The following PDE3B variants were observed in gnomAD, a reference collection of about 807,000 sequenced individuals.
The protein encoded by PDE3B is cGMP-inhibited 3',5'-cyclic phosphodiesterase 3B.
In PDE3B, 66 loss-of-function variants were observed where a neutral mutation model predicts 116.8. The observed-to-expected ratio is 0.56, with a 90% CI of 0.46 to 0.69. The LOEUF (loss-of-function observed/expected upper bound fraction) is 0.69, where lower values mean the gene tolerates loss of function less well. PDE3B is among the 30% of genes least tolerant of loss of function. The probability of loss-of-function intolerance (pLI) is 0.00; values close to 1 mark genes in which losing one functional copy is unlikely to be tolerated. For missense variants in PDE3B, 1,384 were observed against 1,368.1 expected (o/e 1.01, Z -0.18); for synonymous variants, 595 against 533.6 (o/e 1.12, Z -1.59).
chr11:14,770,763 G>T (rs1457712452), intron 1 of PDE3B, among the ~76,000 whole-genome samples: 1 of 151,578 alleles, frequency 6.6e-6, no homozygotes, highest in East Asian at 1.9e-4. Context: ...TTTTTCCTCA[G>T]TGGTAAGAAA....
intron 1 of PDE3B, among the ~76,000 whole-genome samples, chr11:14,677,173 G>A (rs1854556184): frequency 6.6e-6 from 1 of 152,054 alleles, no homozygotes; most frequent in African/African-American, 2.4e-5. Flanking sequence ...GAAAACCAGG[G>A]ATAGAACCTA....
chr11:14,786,514 T>C lies in PDE3B; in HGVS notation c.1107T>C (p.Asp369=). 1 of 1,612,994 alleles carries C rather than the reference T, an allele frequency of 6.2e-7. No individual in the cohort carries two copies. The highest frequency in any genetic ancestry group is 8.5e-7 in the Non-Finnish European group (1 of 1,179,134). ...ATATGGTGTCAGATCTTCTGACTGA[T>C]CCAAGCCTTCCACCACAAGTCATTT... The part of the protein sequence containing the change: ...ARNMVSDLLT[D]PSLPPQVISS... Residue 369 remains aspartate, a synonymous_variant, in exon 3 of 16, where the codon GAT becomes GAC. Coordinates refer to ENST00000282096, the MANE Select transcript of PDE3B (RefSeq NM_000922.4).
At chr11:14,850,741 TG>T (rs1182100557) in intron 12 of PDE3B, among the ~76,000 whole-genome samples, 1 of 152,180 alleles carries the variant, frequency 6.6e-6, no homozygotes, top group Non-Finnish European at 1.5e-5. Context: ...ACAATTTGCA[TG>T]AAAGAGGCAA....
At chr11:14,658,091 T>C (rs915481896) in intron 1 of PDE3B, among the ~76,000 whole-genome samples, 3 of 152,088 alleles carry the variant, frequency 2.0e-5, no homozygotes, top group African/African-American at 4.8e-5. Flanking sequence ...ATCTAGTGGG[T>C]AGGCTTCCAA....
At chr11:14,650,599 G>A (rs537263139) in intron 1 of PDE3B, among the ~76,000 whole-genome samples, 40 of 152,290 alleles carry the variant, frequency 2.6e-4, no homozygotes, top group Non-Finnish European at 5.3e-4. Flanking sequence ...TCCTTAAAAA[G>A]TAGAAGAGAG....
intron 1 of PDE3B, among the ~76,000 whole-genome samples, chr11:14,721,134 CAA>C (rs1856060940): frequency 6.6e-6 from 1 of 150,704 alleles, no homozygotes; most frequent in Non-Finnish European, 1.5e-5. Context: ...AGACACTTCT[CAA>C]AAGAAGACAT....
intron 1 of PDE3B, among the ~76,000 whole-genome samples, chr11:14,647,125 A>G (rs552301830): frequency 9.7e-4 from 148 of 152,084 alleles, no homozygotes; most frequent in African/African-American, 3.5e-3. Flanking sequence ...TATGTTAAAT[A>G]TATTGAGAGG....
intron 1 of PDE3B, among the ~76,000 whole-genome samples, chr11:14,733,304 C>T (rs1856510809): frequency 6.6e-6 from 1 of 152,176 alleles, no homozygotes; most frequent in Non-Finnish European, 1.5e-5. Context: ...ACAGAAATGA[C>T]AATAAGCTCC....
At chr11:14,806,856 C>A (rs1423598285) in intron 5 of PDE3B, among the ~76,000 whole-genome samples, 77 of 100,924 alleles carry the variant, frequency 7.6e-4, no homozygotes, top group South Asian at 7.5e-4. Flanking sequence ...GAGACTCCGT[C>A]TCAAAAAAAA....
rs368157157 is a variant in PDE3B at position 14,843,848 on chromosome 11, A to C, written c.2342A>C (p.His781Pro). The C allele has an allele frequency of 6.2e-7, 1 of 1,613,716 alleles. No individual in the cohort carries two copies. Among genetic ancestry groups the C allele is most frequent in the Non-Finnish European group, 8.5e-7 (1 of 1,179,602 alleles). ...NETDSDGRIN[H>P]GRIAYISSKS... ...TCAGATTCTGATGGTAGAATTAACCATGGGCGAATTGCTTATATTTCTTCG... is the reference window on the plus strand; with the variant it reads ...TCAGATTCTGATGGTAGAATTAACCCTGGGCGAATTGCTTATATTTCTTCG... The change falls in exon 12 of 16, where the codon CAT becomes CCT. Residue 781 changes from histidine to proline, a missense_variant. His to Pro is a moderately conservative substitution (Grantham distance 77). This residue lies in a region of PDE3B where 428 missense variants were observed against 561.4 expected (regional missense o/e 0.76). Transcript: ENST00000282096.
chr11:14,704,259 T>C (rs576282482), intron 1 of PDE3B, among the ~76,000 whole-genome samples: 1 of 151,868 alleles, frequency 6.6e-6, no homozygotes, highest in Admixed American at 6.6e-5. Flanking sequence ...ATAAAGCCTA[T>C]TGATTTAATT....
intron 15 of PDE3B, among the ~76,000 whole-genome samples, chr11:14,868,062 T>C (rs1848079876): frequency 1.3e-5 from 2 of 152,220 alleles, no homozygotes; most frequent in African/African-American, 4.8e-5. Context: ...CAGATACAGA[T>C]TCAGCAGTCA....
intron 11 of PDE3B, among the ~76,000 whole-genome samples, chr11:14,843,075 T>A (rs1293234626): frequency 6.6e-6 from 1 of 152,224 alleles, no homozygotes; most frequent in Non-Finnish European, 1.5e-5. Flanking sequence ...TTTTTAAAGG[T>A]TTCTTTTGCA....
At chr11:14,772,895 CA>C (rs553078184) in intron 2 of PDE3B, 234 of 152,012 alleles carry the variant, frequency 1.5e-3, no homozygotes, top group African/African-American at 5.4e-3. Context: ...TTGACGTACA[CA>C]AAAATGTTAT....
At chr11:14,660,289 A>T (rs565582966) in intron 1 of PDE3B, among the ~76,000 whole-genome samples, 3 of 150,624 alleles carry the variant, frequency 2.0e-5, no homozygotes, top group Non-Finnish European at 3.0e-5. Context: ...TCCTTATATT[A>T]TTGCTTCTAA....
intron 1 of PDE3B, among the ~76,000 whole-genome samples, chr11:14,684,300 G>A (rs1854800328): frequency 6.6e-6 from 1 of 152,180 alleles, no homozygotes; most frequent in South Asian, 2.1e-4. Context: ...GGCCTCTGGG[G>A]ATGACATCAC....
intron 12 of PDE3B, among the ~76,000 whole-genome samples, chr11:14,844,529 G>T (rs558817408): frequency 6.6e-6 from 1 of 152,214 alleles, no homozygotes; most frequent in Non-Finnish European, 1.5e-5. Context: ...GAAGCAGGGC[G>T]AGGCATTGCC....
intron 14 of PDE3B, among the ~76,000 whole-genome samples, chr11:14,863,326 A>G (rs781932458): frequency 6.6e-6 from 1 of 151,936 alleles, no homozygotes; most frequent in Non-Finnish European, 1.5e-5. Context: ...AAGCATTCCT[A>G]TTTCTCCACA....
At chr11:14,819,094 T>C in intron 6 of PDE3B, 42 bp from the exon 7 acceptor site, 1 of 1,207,082 alleles carries the variant, frequency 8.3e-7, no homozygotes, top group Non-Finnish European at 1.2e-6. Context: ...AAAAAACTTG[T>C]ACCTCATTTA....
Sources: allele counts gnomAD v4.1 joint callset (sites outside exome capture counted in the v4.1 genomes callset), GRCh38; gene constraint gnomAD v4.1.1; regional missense constraint gnomAD v4.1.1; transcripts MANE v1.5; gene names NCBI Gene and HGNC (gene_info 2026-07-23, HGNC 2026-07-21).